The following CCDC83 variants were observed in gnomAD, a reference collection of about 807,000 sequenced individuals.
CCDC83 encodes coiled-coil domain containing 83.
A neutral mutation model predicts 50.1 loss-of-function variants in CCDC83; 54 were observed. That is an observed-to-expected ratio of 1.08 (90% CI 0.87 to 1.35). The LOEUF (loss-of-function observed/expected upper bound fraction) is 1.35, where lower values mean the gene tolerates loss of function less well. Ranked by LOEUF, CCDC83 falls within the 40% of genes most tolerant of loss-of-function variation. CCDC83 has a pLI of 0.00. For missense variants in CCDC83, 518 were observed against 473.9 expected (o/e 1.09, Z -0.86); for synonymous variants, 161 against 153.3 (o/e 1.05, Z -0.37).
At chr11:85,855,751 G>C (rs1208566697) in intron 1 of CCDC83, among the ~76,000 whole-genome samples, 167 bp downstream of exon 1, 1 of 152,158 alleles carries the variant, frequency 6.6e-6, no homozygotes, top group Non-Finnish European at 1.5e-5. Flanking sequence ...GGAGGAAACA[G>C]GTCAGAGGTT....
At chr11:85,873,426 A>G (rs1429631686) in intron 3 of CCDC83, 131 bp downstream of exon 3, 1 of 450,528 alleles carries the variant, frequency 2.2e-6, no homozygotes, top group African/African-American at 2.0e-5. Context: ...TTGATTTACA[A>G]TCTATTTAAG....
At chr11:85,909,540 T>G (rs960533973) in intron 7 of CCDC83, among the ~76,000 whole-genome samples, 1 of 151,608 alleles carries the variant, frequency 6.6e-6, no homozygotes, top group Non-Finnish European at 1.5e-5. Flanking sequence ...GGATGTTCTA[T>G]CTAGTAACAT....
At chr11:85,857,716 G>T (rs932833714) in intron 1 of CCDC83, among the ~76,000 whole-genome samples, 6 of 152,162 alleles carry the variant, frequency 3.9e-5, no homozygotes, top group Admixed American at 3.9e-4. Flanking sequence ...CGTGATGATT[G>T]CCAGCAAGGT....
intron 3 of CCDC83, among the ~76,000 whole-genome samples, 179 bp downstream of exon 3, chr11:85,873,474 C>G (rs1328284881): frequency 2.0e-5 from 3 of 152,074 alleles, no homozygotes; most frequent in Admixed American, 2.0e-4. Flanking sequence ...TACTGCTGTT[C>G]CCATTATATT....
chr11:85,907,972 T>C (rs1239151174), intron 7 of CCDC83, among the ~76,000 whole-genome samples: 5 of 152,186 alleles, frequency 3.3e-5, no homozygotes, highest in Non-Finnish European at 7.3e-5. Context: ...TCCTCATCCT[T>C]TGACATTTGA....
intron 7 of CCDC83, among the ~76,000 whole-genome samples, chr11:85,906,027 T>C (rs1490373669): frequency 1.3e-5 from 2 of 151,520 alleles, no homozygotes; most frequent in Non-Finnish European, 2.9e-5. Context: ...TATACATTTA[T>C]TAAATACAAA....
At position 85,882,476 on chromosome 11, in the gene CCDC83, T is replaced by C. The variant is rs1180751785; in HGVS notation, c.181-37T>C. 5 of 1,606,312 alleles carry C rather than the reference T, an allele frequency of 3.1e-6. No homozygotes were observed. The South Asian group carries it at 3.3e-5, about 11-fold the overall frequency. ...TTTTGAGGAAACATAGTGTACATAG[T>C]TGATCAAACGTGAATTACTGTTGAT... On this transcript the variant is annotated intron_variant, in intron 3 of 10. Transcript: ENST00000342404.
chr11:85,914,670 AG>A (rs1490225532), intron 8 of CCDC83, among the ~76,000 whole-genome samples: 6 of 152,276 alleles, frequency 3.9e-5, no homozygotes, highest in African/African-American at 1.4e-4. Context: ...TTGAACTTTA[AG>A]TGTGTTATTT....
Position 85,917,166 on chromosome 11 carries a change from G to GAAAGAA in CCDC83, c.1080+934_1080+935insAAGAAA, listed in dbSNP as rs59229600. ...AGAGAGAGAGAGAGAGAGAGAGAGA[G>GAAAGAA]AGAAAGAAAGAAAGAAAGAAAGAAA... On this transcript the variant is annotated intron_variant, in intron 10 of 10. Coordinates refer to ENST00000342404, the MANE Select transcript of CCDC83 (RefSeq NM_001286159.2). Among the ~76,000 whole-genome samples the GAAAGAA allele has an allele frequency of 5.0e-3, 311 of 62,430 alleles. 2 individuals are homozygous for GAAAGAA. The highest frequency in any genetic ancestry group is 8.2e-3 in the Middle Eastern group (1 of 122). 41.0% of individuals were successfully genotyped at this position (62,430 alleles called of 152,430 possible).
chr11:85,906,779 T>C (rs910550481), intron 7 of CCDC83, among the ~76,000 whole-genome samples: 1 of 151,848 alleles, frequency 6.6e-6, no homozygotes, highest in Non-Finnish European at 1.5e-5. Context: ...CAGCTACTTA[T>C]GAGGCCGAGA....
chr11:85,897,447 T>C (rs867174072), intron 6 of CCDC83, among the ~76,000 whole-genome samples: 2 of 152,238 alleles, frequency 1.3e-5, no homozygotes, highest in Non-Finnish European at 2.9e-5. Context: ...TATTTTATCA[T>C]ACAGTTCAAC....
intron 2 of CCDC83, among the ~76,000 whole-genome samples, chr11:85,868,466 C>A (rs532787695): frequency 1.3e-5 from 2 of 152,324 alleles, no homozygotes; most frequent in East Asian, 3.9e-4. Flanking sequence ...CCCCCGCCTC[C>A]TGGATTCAAG....
In CCDC83 at chr11:85,897,672, T is replaced by C. The variant is rs2135089222; in HGVS notation, c.604-1275T>C. On this transcript the variant is annotated intron_variant, in intron 6 of 10. Coordinates refer to ENST00000342404, the MANE Select transcript of CCDC83 (RefSeq NM_001286159.2). Reference sequence around the variant, plus strand: ...GATCCACTGTTAGTGAATCCAGCCATTAGCCAATTAACTTCAGTTAGGAGC... The same window carrying C: ...GATCCACTGTTAGTGAATCCAGCCACTAGCCAATTAACTTCAGTTAGGAGC... 2.0e-5 allele frequency among the ~76,000 whole-genome samples: 3 copies of C among 152,312 alleles called. No individual in the cohort carries two copies. The South Asian group carries it at 6.2e-4, about 32-fold the overall frequency.
At chr11:85,912,844 C>G (rs937818875) in intron 8 of CCDC83, 11 of 752,230 alleles carry the variant, frequency 1.5e-5, no homozygotes, top group East Asian at 2.5e-5. Context: ...CTGCCAGACC[C>G]GTGTCTCTAC....
chr11:85,880,462 G>T (rs2093293762), intron 3 of CCDC83, among the ~76,000 whole-genome samples: 1 of 151,982 alleles, frequency 6.6e-6, no homozygotes, highest in African/African-American at 2.4e-5. Flanking sequence ...TTTCTGTAGA[G>T]ATGGGGTTTC....
chr11:85,859,641 C>G (rs535872667), intron 1 of CCDC83, among the ~76,000 whole-genome samples: 1 of 152,124 alleles, frequency 6.6e-6, no homozygotes, highest in Non-Finnish European at 1.5e-5. Context: ...AAACTGGACC[C>G]CTTCCTTTTA....
Position 85,886,239 on chromosome 11 carries a change from T to C in CCDC83, c.383T>C (p.Leu128Pro), listed in dbSNP as rs1323546558. The change falls in exon 5 of 11, where the codon CTT becomes CCT. Residue 128 changes from leucine to proline, a missense_variant. Leu to Pro is a moderately conservative substitution (Grantham distance 98). Transcript: ENST00000342404. ...ATAAGTAATGCTGAGAAACTATTTCTTGAGAAACTCAGTGAAAAGGAATAT... is the reference window on the plus strand; with the variant it reads ...ATAAGTAATGCTGAGAAACTATTTCCTGAGAAACTCAGTGAAAAGGAATAT... ...MQISNAEKLFLEKLSEKEYWE... is the reference protein window; with the variant it reads ...MQISNAEKLFPEKLSEKEYWE... 3 of 1,599,796 alleles carry C rather than the reference T, an allele frequency of 1.9e-6. No individual in the cohort carries two copies. Among genetic ancestry groups the C allele is most frequent in the Non-Finnish European group, 1.7e-6 (2 of 1,175,310 alleles).
chr11:85,912,854 C>T, intron 8 of CCDC83: 4 of 722,842 alleles, frequency 5.5e-6, no homozygotes, highest in Non-Finnish European at 1.0e-5. Flanking sequence ...CGTGTCTCTA[C>T]CTGGATCAAC....
intron 2 of CCDC83, among the ~76,000 whole-genome samples, chr11:85,865,496 C>T (rs1260487665): frequency 1.3e-5 from 2 of 152,204 alleles, no homozygotes; most frequent in East Asian, 3.8e-4. Flanking sequence ...GTACTATTGG[C>T]TCCTTCAGTT....
Sources: allele counts gnomAD v4.1 joint callset (sites outside exome capture counted in the v4.1 genomes callset), GRCh38; gene constraint gnomAD v4.1.1; transcripts MANE v1.5; gene names NCBI Gene and HGNC (gene_info 2026-07-23, HGNC 2026-07-21).